Variants in MYH9 observed in about 807,000 individuals in gnomAD.
The protein encoded by MYH9 is myosin-9.
In MYH9, 29 loss-of-function variants were observed where a neutral mutation model predicts 241.9. The observed-to-expected ratio is 0.12, with a 90% CI of 0.09 to 0.16. The LOEUF is 0.16. Among genes scored for constraint, MYH9 ranks in the 10% least tolerant of loss-of-function variants. MYH9 has a pLI of 1.00. For missense variants in MYH9, 1,803 were observed against 2,595.5 expected (o/e 0.69, Z 6.63); for synonymous variants, 1,047 against 1,062.6 (o/e 0.99, Z 0.29).
intron 6 of MYH9, 69 bp from the exon 7 acceptor site, chr22:36,321,890 ACCACAGCCCCCCGCCCCACCTC>A (rs1396281887): frequency 7.5e-7 from 1 of 1,342,264 alleles, no homozygotes; most frequent in Admixed American, 1.7e-5. Flanking sequence ...CACGGGGGAG[ACCACAGCCCCCCGCCCCACCTC>A]CGGTGGGCAC....
chr22:36,335,463 C>T (rs1033622913), intron 3 of MYH9, among the ~76,000 whole-genome samples: 5 of 152,224 alleles, frequency 3.3e-5, no homozygotes, highest in African/African-American at 4.8e-5. Context: ...AGAGTCATCC[C>T]ATCTGTGGCT....
At chr22:36,356,244 G>A (rs2017853780) in intron 1 of MYH9, among the ~76,000 whole-genome samples, 3 of 152,082 alleles carry the variant, frequency 2.0e-5, no homozygotes, top group Non-Finnish European at 2.9e-5. Context: ...CGTTGGTTTT[G>A]AGTTAAATAA....
intron 3 of MYH9, among the ~76,000 whole-genome samples, chr22:36,336,219 A>AT (rs1311997589): frequency 6.6e-6 from 1 of 152,238 alleles, no homozygotes; most frequent in African/African-American, 2.4e-5. Context: ...TTCACATAGA[A>AT]GGGGCTTTTT....
chr22:36,370,650 A>G (rs554458511), intron 1 of MYH9, among the ~76,000 whole-genome samples: 1 of 152,348 alleles, frequency 6.6e-6, no homozygotes. Context: ...CGGTGTCAAA[A>G]GTGCTTATGA....
intron 3 of MYH9, among the ~76,000 whole-genome samples, chr22:36,331,122 A>G (rs923385217): frequency 9.9e-5 from 15 of 152,282 alleles, no homozygotes; most frequent in Non-Finnish European, 1.3e-4. Flanking sequence ...GGAGGAAGCC[A>G]CAGCCGAGAG....
At chr22:36,303,000 T>C (rs1197769757) in intron 19 of MYH9, among the ~76,000 whole-genome samples, 1 of 152,148 alleles carries the variant, frequency 6.6e-6, no homozygotes, top group Non-Finnish European at 1.5e-5. Flanking sequence ...TGACCCTTGG[T>C]GATTAAGCTG....
At chr22:36,313,851 G>C (rs1346029881) in intron 13 of MYH9, among the ~76,000 whole-genome samples, 1 of 152,182 alleles carries the variant, frequency 6.6e-6, no homozygotes, top group Non-Finnish European at 1.5e-5. Flanking sequence ...ATGCTGGGTG[G>C]TCTTCTGGGA....
Position 36,288,858 on chromosome 22 carries a change from C to T in MYH9, c.4639G>A (p.Glu1547Lys), listed in dbSNP as rs1556630000. ...TTGGCATCTTCGGTGGCCTGCAGCT[C>T]GTCCTCCAGCTCTTCCAGCTGCGTC... Reference protein sequence around the residue: ...MKTQLEELEDELQATEDAKLR... With the variant: ...MKTQLEELEDKLQATEDAKLR... The change falls in exon 33 of 41, where the codon GAG (glutamate) becomes AAG (lysine). Residue 1547 changes from glutamate to lysine, a missense_variant. Physicochemically the swap from Glu to Lys is moderately conservative, Grantham distance 56. Coordinates refer to ENST00000216181, the MANE Select transcript of MYH9 (RefSeq NM_002473.6). The surrounding 1 kb of genome is among the most constrained non-coding windows in gnomAD (Gnocchi z 4.8). The T allele has an allele frequency of 3.1e-6, 5 of 1,613,942 alleles. No individual in the cohort carries two copies. Among genetic ancestry groups the T allele is most frequent in the Non-Finnish European group, 3.4e-6 (4 of 1,180,040 alleles).
rs139441456 is a variant in MYH9 at position 36,296,899 on chromosome 22, C to T, written c.3216G>A (p.Ala1072=). The change falls in exon 25 of 41, where the codon GCG becomes GCA. Residue 1072 remains alanine, a synonymous_variant. Coordinates refer to ENST00000216181, the MANE Select transcript of MYH9 (RefSeq NM_002473.6). The stretch of plus-strand genomic sequence containing the variant: ...TCTTGGCCAGCTGCATCTTGAGCTC[C>T]GCGATCTGGGCCTGGAGCTCGGCGA... ...DQIAELQAQI[A]ELKMQLAKKE... 756 of 1,613,552 alleles carry T rather than the reference C, an allele frequency of 4.7e-4. 4 individuals are homozygous for T. The highest frequency in any genetic ancestry group is 5.5e-4 in the Non-Finnish European group (649 of 1,179,822).
Position 36,288,288 on chromosome 22 carries a change from G to A in MYH9, c.4896C>T (p.Asn1632=), listed in dbSNP as rs372299120. ...GCAGCTGTTTGATGGCTTCGTCCCGGTTCTTGTTGGCCGAGTCGATGTGCG... is the reference window on the plus strand; with the variant it reads ...GCAGCTGTTTGATGGCTTCGTCCCGATTCTTGTTGGCCGAGTCGATGTGCG... ...LEAHIDSANK[N]RDEAIKQLRK... The change falls in exon 34 of 41, where the codon AAC becomes AAT. Residue 1632 remains asparagine, a synonymous_variant. Coordinates refer to ENST00000216181, the MANE Select transcript of MYH9 (RefSeq NM_002473.6). This position sits in a 1 kb window ranked among gnomAD's most constrained non-coding sequence, Gnocchi z 4.8. The A allele has an allele frequency of 3.1e-6, 5 of 1,614,016 alleles. No individual in the cohort carries two copies. Among genetic ancestry groups the A allele is most frequent in the Non-Finnish European group, 4.2e-6 (5 of 1,180,034 alleles).
intron 3 of MYH9, among the ~76,000 whole-genome samples, chr22:36,340,576 G>A (rs949939127): frequency 6.6e-6 from 1 of 151,828 alleles, no homozygotes; most frequent in African/African-American, 2.4e-5. Context: ...CAAGAGAATC[G>A]CTTGAGCCTG....
rs187782319 is a variant in MYH9, at chr22:36,352,811, G to A, written c.-19-3556C>T. On this transcript the variant is annotated intron_variant, in intron 1 of 40. Transcript: ENST00000216181. ...GAAGGTCAGAGCCCCAGCTTGCTGG[G>A]CACCTCCCTCCCAGAACTTTTCATT... is the stretch of plus-strand genomic sequence containing the variant. Among the ~76,000 whole-genome samples the A allele has an allele frequency of 5.1e-3, 778 of 152,314 alleles. 5 individuals are homozygous for A. The highest frequency in any genetic ancestry group is 0.025 in the South Asian group (123 of 4,828).
In MYH9 at chr22:36,282,614, G is replaced by C. The variant is rs1001258445; in HGVS notation, c.*54C>G. 7 of 1,533,382 alleles carry C rather than the reference G, an allele frequency of 4.6e-6. No homozygotes were observed. The highest frequency in any genetic ancestry group is 1.7e-4 in the Middle Eastern group (1 of 5,906). 95.0% of individuals were successfully genotyped at this position (1,533,382 alleles called of 1,614,324 possible). ...AGAGGCGTGCTGCGGGGTCTGGGAA[G>C]GGGAGGCTGTGGTGTCTGTCTGTCC... On this transcript the variant is annotated 3_prime_UTR_variant, in exon 41 of 41. Coordinates refer to ENST00000216181, the MANE Select transcript of MYH9 (RefSeq NM_002473.6).
chr22:36,379,562 G>A (rs1040708286), intron 1 of MYH9, among the ~76,000 whole-genome samples: 14 of 152,244 alleles, frequency 9.2e-5, no homozygotes, highest in African/African-American at 3.1e-4. Context: ...GAAGGCAAGA[G>A]AGGGACCTCC....
chr22:36,292,252 G>A lies in MYH9; in HGVS notation c.4096-18C>T, dbSNP rs754970180. On this transcript the variant is annotated intron_variant, in intron 30 of 40. Transcript: ENST00000216181. ...TCGGCCACCTGGGCAGGAGCAAGGA[G>A]TAAGCAGATGCCCGAGATGGCACCT... is the stretch of plus-strand genomic sequence containing the variant. 35 of 1,613,338 alleles carry A rather than the reference G, an allele frequency of 2.2e-5. No individual in the cohort carries two copies. The highest frequency in any genetic ancestry group is 1.1e-5 in the South Asian group (1 of 91,088).
At chr22:36,381,493 G>A (rs2018254612) in intron 1 of MYH9, among the ~76,000 whole-genome samples, 1 of 148,880 alleles carries the variant, frequency 6.7e-6, no homozygotes, top group Non-Finnish European at 1.5e-5. Flanking sequence ...TCCAGCCTGG[G>A]CAACAGAGCG....
chr22:36,375,924 G>T (rs2018158899), intron 1 of MYH9, among the ~76,000 whole-genome samples: 1 of 145,704 alleles, frequency 6.9e-6, no homozygotes. Context: ...CATCAGCATG[G>T]TACCTAGTAC....
chr22:36,342,980 G>A (rs1357322878), intron 2 of MYH9, among the ~76,000 whole-genome samples: 1 of 152,194 alleles, frequency 6.6e-6, no homozygotes, highest in Non-Finnish European at 1.5e-5. Context: ...CACCTTCATT[G>A]TTCATGAAGC....
chr22:36,351,758 A>G (rs572131229), intron 1 of MYH9, among the ~76,000 whole-genome samples: 30 of 152,120 alleles, frequency 2.0e-4, no homozygotes, highest in African/African-American at 7.0e-4. Context: ...TCAAACCCAC[A>G]AAGGATAACT....
Sources: gnomAD v4.1 joint callset for allele counts (sites outside exome capture counted in the v4.1 genomes callset) on GRCh38, gnomAD v4.1.1 for gene constraint, Gnocchi (gnomAD v3.1) non-coding constraint, MANE v1.5 for transcripts, NCBI Gene and HGNC (gene_info 2026-07-23, HGNC 2026-07-21) for gene names.